HRH4: variants seen among roughly 807,000 people sequenced by gnomAD.
HRH4 encodes histamine receptor H4, also known as histamine H4 receptor.
A neutral mutation model predicts 10.4 loss-of-function variants in HRH4; 12 were observed. The observed-to-expected ratio is 1.15, with a 90% CI of 0.74 to 1.87. The LOEUF (loss-of-function observed/expected upper bound fraction) is 1.87. Ranked by LOEUF, HRH4 falls within the 40% of genes most tolerant of loss-of-function variation. The pLI, the probability that HRH4 is intolerant of heterozygous loss-of-function variation, is 0.00. For missense variants in HRH4, 415 were observed against 453.3 expected, an observed-to-expected ratio of 0.92 and a Z score of 0.77; for synonymous variants, 154 against 166.6, an observed-to-expected ratio of 0.92 and a Z score of 0.58.
At chr18:24,473,654 G>T (rs1910044797) in intron 2 of HRH4, among the ~76,000 whole-genome samples, 1 of 152,268 alleles carries the variant, frequency 6.6e-6, no homozygotes, top group South Asian at 2.1e-4. Flanking sequence ...GATTACATCT[G>T]CAAACACCAT....
intron 2 of HRH4, among the ~76,000 whole-genome samples, chr18:24,474,883 A>G (rs911075256): frequency 6.6e-6 from 1 of 151,890 alleles, no homozygotes; most frequent in Non-Finnish European, 1.5e-5. Flanking sequence ...ATGGGGTTTC[A>G]CCATGTTGGC....
At chr18:24,473,772 T>C (rs1910048798) in intron 2 of HRH4, among the ~76,000 whole-genome samples, 1 of 152,146 alleles carries the variant, frequency 6.6e-6, no homozygotes, top group African/African-American at 2.4e-5. Context: ...GGTCCTGAAA[T>C]CCATCTCATT....
chr18:24,477,657 T>G lies in HRH4; in HGVS notation c.*95T>G. ...TTGCCCTTTTCATTCTACCAACAGA[T>G]CTGCACTTTGAAGTCAATGGTAAAT... On this transcript the variant is annotated 3_prime_UTR_variant, in exon 3 of 3. Coordinates refer to ENST00000256906, the MANE Select transcript of HRH4 (RefSeq NM_021624.4). The G allele has an allele frequency of 1.3e-6, 1 of 784,364 alleles. No homozygotes were observed. 48.6% of individuals were successfully genotyped at this position (784,364 alleles called of 1,614,324 possible).
rs1910242868 is a variant in HRH4, at chr18:24,479,294, A to G, written c.*1732A>G. ...AATTATTGCCTGTATGTCAATTATT[A>G]TTTTAAAATATTGTTGTATTTACTT... On this transcript the variant is annotated 3_prime_UTR_variant, in exon 3 of 3. Coordinates refer to ENST00000256906, the MANE Select transcript of HRH4 (RefSeq NM_021624.4). 1 of 152,214 alleles carries G rather than the reference A, an allele frequency of 6.6e-6. No individual in the cohort carries two copies. The allele number at this position is 152,214 out of a possible 1,614,324, so 9.4% of individuals were successfully genotyped here. A position where few individuals can be genotyped will look rare whatever the true frequency, so the allele number is the denominator to read the frequency against.
chr18:24,469,866 A>C lies in HRH4; in HGVS notation c.357+915A>C, dbSNP rs528180910. On this transcript the variant is annotated intron_variant, in intron 2 of 2. Transcript: ENST00000256906. Reference sequence around the variant, plus strand: ...GTAGGGATTATTTTGTCACCCGGGGAATGAGCACAGTATCTGATCGGTAGT... The same window carrying C: ...GTAGGGATTATTTTGTCACCCGGGGCATGAGCACAGTATCTGATCGGTAGT... Among the ~76,000 whole-genome samples, 21 of 152,052 alleles carry C rather than the reference A, an allele frequency of 1.4e-4. No homozygotes were observed. In the South Asian group the frequency reaches 4.2e-3, roughly 30 times the overall value.
At chr18:24,463,553 G>A (rs1239697450) in intron 1 of HRH4, among the ~76,000 whole-genome samples, 1 of 152,176 alleles carries the variant, frequency 6.6e-6, no homozygotes, top group East Asian at 1.9e-4. Context: ...CTCGTGAGAG[G>A]TTTTCTGCAG....
At chr18:24,476,309 G>T (rs912696931) in intron 2 of HRH4, among the ~76,000 whole-genome samples, 1 of 152,122 alleles carries the variant, frequency 6.6e-6, no homozygotes. Context: ...CATCATTAAA[G>T]AACACCTACC....
In HRH4 at chr18:24,471,895, T is replaced by C. The variant is rs544341356; in HGVS notation, c.357+2944T>C. Among the ~76,000 whole-genome samples, 7 of 152,296 alleles carry C rather than the reference T, an allele frequency of 4.6e-5. No homozygotes were observed. In the South Asian group the frequency reaches 8.3e-4, roughly 18 times the overall value. ...TGGATGTTCCTAGGGCTTCCTTCTCTAGATGTCCCAGCTTTTGAATTTACT... is the reference window on the plus strand; with the variant it reads ...TGGATGTTCCTAGGGCTTCCTTCTCCAGATGTCCCAGCTTTTGAATTTACT... On this transcript the variant is annotated intron_variant, in intron 2 of 2. Transcript: ENST00000256906.
At chr18:24,469,767 T>C (rs1909884265) in intron 2 of HRH4, among the ~76,000 whole-genome samples, 1 of 152,126 alleles carries the variant, frequency 6.6e-6, no homozygotes, top group Admixed American at 6.6e-5. Context: ...TCTTTCCAAC[T>C]TTTGTTTTGG....
At position 24,468,841 on chromosome 18, in the gene HRH4, G is replaced by T; in HGVS notation, c.247G>T (p.Gly83Ter). Reference protein sequence around the residue: ...IPHTLFEWDFGKEICVFWLTT... With the variant: ...IPHTLFEWDF ...TCACACGCTGTTCGAATGGGATTTT[G>T]GAAAGGAAATCTGTGTATTTTGGCT... Residue 83 changes from glycine to a stop codon, truncating the protein, a stop_gained, in exon 2 of 3, where the codon GGA (glycine) becomes TGA (stop). Coordinates refer to ENST00000256906, the MANE Select transcript of HRH4 (RefSeq NM_021624.4). LOFTEE classifies it high-confidence loss of function. The T allele has an allele frequency of 2.5e-6, 4 of 1,614,016 alleles. No individual in the cohort carries two copies. The highest frequency in any genetic ancestry group is 3.4e-6 in the Non-Finnish European group (4 of 1,179,966).
intron 2 of HRH4, among the ~76,000 whole-genome samples, chr18:24,474,834 A>AT (rs1910090628): frequency 6.6e-6 from 1 of 151,806 alleles, no homozygotes; most frequent in Non-Finnish European, 1.5e-5. Flanking sequence ...TACAGGTGCG[A>AT]GCCACCATGC....
chr18:24,468,717 G>C (rs974748101), intron 1 of HRH4, 71 bp from the exon 2 acceptor site: 6 of 1,320,100 alleles, frequency 4.5e-6, no homozygotes, highest in Non-Finnish European at 6.3e-6. Flanking sequence ...GTGTTGTGTA[G>C]CCATTAAAAC....
chr18:24,468,763 T>G (rs1909847844), intron 1 of HRH4, 25 bp from the exon 2 acceptor site: 2 of 1,600,600 alleles, frequency 1.2e-6, no homozygotes, highest in Non-Finnish European at 1.7e-6. Context: ...CGCTATGTTT[T>G]TACACTTATG....
chr18:24,475,900 C>A (rs1910120122), intron 2 of HRH4, among the ~76,000 whole-genome samples: 1 of 151,994 alleles, frequency 6.6e-6, no homozygotes, highest in South Asian at 2.1e-4. Context: ...CCCAGCTATT[C>A]AAAAGGCTGA....
chr18:24,460,733 CAGATACTAATAGCACAATCAATTT>C lies in HRH4; in HGVS notation c.7_30del (p.Asp3_Leu10del). ...CCTTCTTCATCATTTGATGTGATGC[CAGATACTAATAGCACAATCAATTT>C]ATCACTAAGCACTCGTGTTACTTTA... On this transcript the variant is annotated inframe_deletion, in exon 1 of 3. Transcript: ENST00000256906. The C allele has an allele frequency of 6.6e-7, 1 of 1,508,416 alleles. No homozygotes were observed. Among genetic ancestry groups the C allele is most frequent in the African/African-American group, 1.4e-5 (1 of 72,838 alleles). 93.4% of individuals were successfully genotyped at this position (1,508,416 alleles called of 1,614,324 possible).
chr18:24,471,700 T>C (rs1199344855), intron 2 of HRH4, among the ~76,000 whole-genome samples: 1 of 137,834 alleles, frequency 7.3e-6, no homozygotes, highest in South Asian at 2.3e-4. Flanking sequence ...TAAAAGTAAA[T>C]ACTGATTTAT....
chr18:24,468,065 C>T (rs1398825230), intron 1 of HRH4, among the ~76,000 whole-genome samples: 2 of 152,150 alleles, frequency 1.3e-5, no homozygotes, highest in Non-Finnish European at 2.9e-5. Flanking sequence ...ATTGAAAGTA[C>T]AGTCGCCCCT....
At chr18:24,469,905 C>G (rs926477296) in intron 2 of HRH4, among the ~76,000 whole-genome samples, 1 of 152,076 alleles carries the variant, frequency 6.6e-6, no homozygotes, top group African/African-American at 2.4e-5. Context: ...TTGATCCTCT[C>G]CCTCCTCCCA....
Position 24,468,886 on chromosome 18 carries a change from T to C in HRH4, c.292T>C (p.Cys98Arg), listed in dbSNP as rs1443377753. 8 of 1,613,848 alleles carry C rather than the reference T, an allele frequency of 5.0e-6. No individual in the cohort carries two copies. The highest frequency in any genetic ancestry group is 5.9e-6 in the Non-Finnish European group (7 of 1,179,750). ...TTGGCTCACTACTGACTATCTGTTATGTACAGCATCTGTATATAACATTGT... is the reference window on the plus strand; with the variant it reads ...TTGGCTCACTACTGACTATCTGTTACGTACAGCATCTGTATATAACATTGT... ...VFWLTTDYLL[C>R]TASVYNIVLI... is the part of the protein sequence containing the mutation. Residue 98 changes from cysteine (C) to arginine (R), a missense_variant, in exon 2 of 3, where the codon TGT becomes CGT. By Grantham distance (180) the Cys-to-Arg change is radical. Transcript: ENST00000256906.
Sources: allele counts gnomAD v4.1 joint callset (sites outside exome capture counted in the v4.1 genomes callset), GRCh38; gene constraint gnomAD v4.1.1; transcripts MANE v1.5; gene names NCBI Gene and HGNC (gene_info 2026-07-23, HGNC 2026-07-21).